The following RAPGEF6 variants were observed in gnomAD, a reference collection of about 807,000 sequenced individuals.
RAPGEF6 encodes PDZ domain containing guanine nucleotide exchange factor (GEF) 2.
RAPGEF6 carries 56 observed loss-of-function variants against 171.4 expected under a neutral mutation model. That is an observed-to-expected ratio of 0.33 (90% confidence interval 0.26 to 0.41). The LOEUF is 0.41. Ranked by LOEUF, RAPGEF6 falls within the 10% of genes least tolerant of loss-of-function variation. The pLI is 1.00. For missense variants in RAPGEF6, 1,674 were observed against 1,921.4 expected (o/e 0.87, Z 2.41); for synonymous variants, 692 against 650.1 (o/e 1.06, Z -0.98).
At chr5:131,451,527 T>C (rs1290312614) in intron 21 of RAPGEF6, among the ~76,000 whole-genome samples, 1 of 152,002 alleles carries the variant, frequency 6.6e-6, no homozygotes, top group African/African-American at 2.4e-5. Flanking sequence ...AGGTTGAGGC[T>C]GCAGTGAGCC....
chr5:131,468,109 C>T (rs544268934), intron 17 of RAPGEF6, among the ~76,000 whole-genome samples: 141 of 151,192 alleles, frequency 9.3e-4, no homozygotes, highest in African/African-American at 3.3e-3. Flanking sequence ...GGGCGGATCA[C>T]GAGGTCAGGA....
intron 15 of RAPGEF6, 27 bp downstream of exon 15, chr5:131,489,519 T>A: frequency 7.5e-7 from 1 of 1,338,920 alleles, no homozygotes; most frequent in Non-Finnish European, 1.0e-6. Context: ...AAGAAAGAGT[T>A]CAGGCAATTT....
At chr5:131,488,318 G>A (rs1299952904) in intron 15 of RAPGEF6, among the ~76,000 whole-genome samples, 1 of 152,038 alleles carries the variant, frequency 6.6e-6, no homozygotes, top group African/African-American at 2.4e-5. Context: ...TTTATGTGAC[G>A]GGTACAAAAG....
intron 6 of RAPGEF6, among the ~76,000 whole-genome samples, chr5:131,523,865 T>G (rs553114603): frequency 2.0e-5 from 3 of 151,998 alleles, no homozygotes; most frequent in Admixed American, 6.5e-5. Context: ...CCAGGGTACA[T>G]GTGGCAGGGG....
intron 10 of RAPGEF6, 96 bp from the exon 11 acceptor site, chr5:131,504,874 G>C: frequency 8.6e-7 from 1 of 1,157,432 alleles, no homozygotes. Context: ...AAATCTAGCG[G>C]CATTAGTTCT....
At chr5:131,582,967 C>T (rs778452496) in intron 4 of RAPGEF6, among the ~76,000 whole-genome samples, 2 of 152,154 alleles carry the variant, frequency 1.3e-5, no homozygotes, top group African/African-American at 2.4e-5. Context: ...CACATAAACA[C>T]GTACAAAATC....
Position 131,433,563 on chromosome 5 carries a change from C to T in RAPGEF6, c.3841G>A (p.Val1281Ile). 1 of 1,613,630 alleles carries T rather than the reference C, an allele frequency of 6.2e-7. No homozygotes were observed. Among genetic ancestry groups the T allele is most frequent in the Non-Finnish European group, 8.5e-7 (1 of 1,179,598 alleles). ...SRSSIVSNCS[V>I]DSMSAALQDE... ...TGTAGAGCTGCAGACATGGAGTCAA[C>T]AGAACAATTGCTCACGATGCTGGAC... is the stretch of plus-strand genomic sequence containing the variant. Residue 1281 changes from valine to isoleucine, a missense_variant, in exon 25 of 28, where the codon GTT becomes ATT. Physicochemically the swap from Val to Ile is conservative, Grantham distance 29. Coordinates refer to ENST00000509018, the MANE Select transcript of RAPGEF6 (RefSeq NM_016340.6).
chr5:131,577,813 A>C (rs1356900144), intron 4 of RAPGEF6, among the ~76,000 whole-genome samples: 1 of 152,070 alleles, frequency 6.6e-6, no homozygotes, highest in African/African-American at 2.4e-5. Flanking sequence ...ACTTCCCTTA[A>C]ACTCACTCGC....
rs548170187 is a variant in RAPGEF6 at position 131,635,168 on chromosome 5, A to T, written c.-138T>A. The T allele has an allele frequency of 1.1e-6, 1 of 903,456 alleles. No homozygotes were observed. Among genetic ancestry groups the T allele is most frequent in the African/African-American group, 1.7e-5 (1 of 59,010 alleles). 56.0% of individuals were successfully genotyped at this position (903,456 alleles called of 1,614,324 possible). On this transcript the variant is annotated 5_prime_UTR_variant, in exon 1 of 28. Transcript: ENST00000509018. ...CGTAACAAGGTCCGAACTCTAGCAA[A>T]CAACCCTTCGCAACGCCCGCCTAAG...
At chr5:131,478,969 T>C (rs1457634407) in intron 16 of RAPGEF6, among the ~76,000 whole-genome samples, 1 of 152,228 alleles carries the variant, frequency 6.6e-6, no homozygotes, top group Non-Finnish European at 1.5e-5. Context: ...TAATGTAATA[T>C]ATACTAGAGT....
intron 15 of RAPGEF6, 126 bp downstream of exon 15, chr5:131,489,420 T>C: frequency 1.6e-6 from 1 of 625,204 alleles, no homozygotes; most frequent in South Asian, 2.0e-5. Flanking sequence ...CTAAAGATTC[T>C]GAAACTAGCT....
intron 4 of RAPGEF6, among the ~76,000 whole-genome samples, chr5:131,577,959 T>C (rs1319704010): frequency 6.6e-6 from 1 of 152,210 alleles, no homozygotes; most frequent in Non-Finnish European, 1.5e-5. Flanking sequence ...CCCCAAAAAC[T>C]TGTCATCCCT....
intron 11 of RAPGEF6, among the ~76,000 whole-genome samples, chr5:131,502,422 C>T (rs1267389591): frequency 1.1e-4 from 17 of 152,200 alleles, no homozygotes; most frequent in Admixed American, 1.1e-3. Context: ...GATGACTTTA[C>T]ACTGAAGAAA....
intron 3 of RAPGEF6, among the ~76,000 whole-genome samples, chr5:131,601,258 G>T (rs534988431): frequency 1.3e-5 from 2 of 151,644 alleles, no homozygotes; most frequent in African/African-American, 2.4e-5. Context: ...GGTGGCGGGC[G>T]CCTGTAATCC....
intron 23 of RAPGEF6, among the ~76,000 whole-genome samples, chr5:131,440,820 TA>T (rs1182661048): frequency 6.7e-6 from 1 of 148,990 alleles, no homozygotes; most frequent in African/African-American, 2.5e-5. Flanking sequence ...GATATTCAAG[TA>T]AAAAAACCAG....
In RAPGEF6 at chr5:131,479,605, T is replaced by C; in HGVS notation, c.1989A>G (p.Lys663=). 6.2e-7 allele frequency: 1 copy of C among 1,614,080 alleles called. No homozygotes were observed. The highest frequency in any genetic ancestry group is 1.1e-5 in the South Asian group (1 of 91,084). ...EQTSQEKGSK[K]VKANTVSGGR... ...CACCTGAAACAGTATTTGCTTTAAC[T>C]TTCTTACTTCCTTTCTCCTGTGATG... The change falls in exon 16 of 28, where the codon AAA becomes AAG. Residue 663 remains lysine (K), a synonymous_variant. Coordinates refer to ENST00000509018, the MANE Select transcript of RAPGEF6 (RefSeq NM_016340.6).
intron 7 of RAPGEF6, among the ~76,000 whole-genome samples, chr5:131,514,102 AAAG>A (rs1757922018): frequency 6.6e-6 from 1 of 152,202 alleles, no homozygotes; most frequent in Admixed American, 6.5e-5. Context: ...AGTAGTATAA[AAAG>A]AATAAAATTA....
chr5:131,516,103 T>A, intron 7 of RAPGEF6, among the ~76,000 whole-genome samples: 1 of 111,732 alleles, frequency 8.9e-6, no homozygotes, highest in Non-Finnish European at 1.8e-5. Flanking sequence ...TTTTTTTTTT[T>A]TCTGTGACGG....
At chr5:131,437,851 A>G (rs1360544026) in intron 24 of RAPGEF6, among the ~76,000 whole-genome samples, 2 of 152,226 alleles carry the variant, frequency 1.3e-5, no homozygotes, top group Non-Finnish European at 2.9e-5. Flanking sequence ...CCAATTCACT[A>G]AACACTTACC....
Sources: allele counts gnomAD v4.1 joint callset (sites outside exome capture counted in the v4.1 genomes callset), GRCh38; gene constraint gnomAD v4.1.1; transcripts MANE v1.5; gene names NCBI Gene and HGNC (gene_info 2026-07-23, HGNC 2026-07-21).